Variants in DGKB observed in about 807,000 individuals in gnomAD.
The protein encoded by DGKB is 90 kDa diacylglycerol kinase.
In DGKB, 67 loss-of-function variants were observed where a neutral mutation model predicts 114.3. The ratio of observed to expected loss-of-function variants is 0.59; its 90% CI spans 0.48 to 0.72. DGKB has a LOEUF of 0.72. DGKB is among the 30% of genes least tolerant of loss of function. The pLI is 0.00. For missense variants in DGKB, 907 were observed against 975.2 expected, an observed-to-expected ratio of 0.93 and a Z score of 0.93; for synonymous variants, 398 against 323.1, an observed-to-expected ratio of 1.23 and a Z score of -2.49.
At chr7:14,890,594 T>C (rs1233574875) in intron 1 of DGKB, among the ~76,000 whole-genome samples, 3 of 151,540 alleles carry the variant, frequency 2.0e-5, no homozygotes, top group Non-Finnish European at 4.4e-5. Flanking sequence ...ATAGTAAATA[T>C]GGGATGTGTC....
chr7:14,183,269 A>G (rs1782908016), intron 23 of DGKB, among the ~76,000 whole-genome samples: 1 of 152,220 alleles, frequency 6.6e-6, no homozygotes, highest in Non-Finnish European at 1.5e-5. Context: ...TCGTCTTCAA[A>G]ATGTCCATCT....
chr7:14,189,110 A>G (rs2068400), intron 23 of DGKB, among the ~76,000 whole-genome samples: 44,410 of 152,192 alleles, frequency 0.29, 8,590 homozygotes, highest in African/African-American at 0.56. Context: ...CTCACCGTAG[A>G]GTAAGTTAAT....
At chr7:14,967,652 T>C (rs1490182839) in intron 1 of DGKB, among the ~76,000 whole-genome samples, 109 of 101,034 alleles carry the variant, frequency 1.1e-3, no homozygotes, top group Admixed American at 2.3e-3. Context: ...TGTGATTTAT[T>C]AAAAAAAAAA....
At chr7:14,803,721 C>T (rs142147444) in intron 2 of DGKB, among the ~76,000 whole-genome samples, 1 of 152,260 alleles carries the variant, frequency 6.6e-6, no homozygotes, top group African/African-American at 2.4e-5. Flanking sequence ...ATTTTCCTCT[C>T]TGGCTTCTGA....
intron 1 of DGKB, among the ~76,000 whole-genome samples, chr7:14,894,493 C>A (rs1444640172): frequency 2.0e-5 from 3 of 151,406 alleles, no homozygotes; most frequent in African/African-American, 7.3e-5. Context: ...TTGACAAATA[C>A]ATCAAATCTA....
chr7:14,606,598 T>A (rs1804550493), intron 17 of DGKB, among the ~76,000 whole-genome samples: 1 of 148,928 alleles, frequency 6.7e-6, no homozygotes, highest in African/African-American at 2.6e-5. Flanking sequence ...TGCCTTTTTT[T>A]TAAAAAAAAA....
chr7:14,925,103 TG>T (rs1198854707), intron 1 of DGKB, among the ~76,000 whole-genome samples: 1 of 152,250 alleles, frequency 6.6e-6, no homozygotes, highest in Non-Finnish European at 1.5e-5. Flanking sequence ...GTATTAATAA[TG>T]TTTTCATTTT....
chr7:14,527,290 A>G (rs1294872056), intron 20 of DGKB, among the ~76,000 whole-genome samples: 1 of 152,164 alleles, frequency 6.6e-6, no homozygotes, highest in African/African-American at 2.4e-5. Flanking sequence ...GGCATTATCC[A>G]CTGTATACAG....
intron 20 of DGKB, among the ~76,000 whole-genome samples, chr7:14,555,312 T>C (rs984092237): frequency 2.6e-5 from 4 of 152,196 alleles, no homozygotes; most frequent in African/African-American, 9.6e-5. Flanking sequence ...ATTCTATTAA[T>C]CTATTTTTGT....
chr7:14,510,919 T>C (rs990527343), intron 20 of DGKB, among the ~76,000 whole-genome samples: 2 of 152,230 alleles, frequency 1.3e-5, no homozygotes, highest in African/African-American at 4.8e-5. Flanking sequence ...GAAAGGAATC[T>C]TATTTTCTGA....
At chr7:14,350,467 C>T (rs17168088) in intron 21 of DGKB, among the ~76,000 whole-genome samples, 3,892 of 151,920 alleles carry the variant, frequency 0.026, 76 homozygotes, top group South Asian at 0.089. Context: ...CCTAATTAGA[C>T]ATGAAACTCA....
At chr7:14,584,872 C>T (rs920677060) in intron 17 of DGKB, among the ~76,000 whole-genome samples, 2 of 151,988 alleles carry the variant, frequency 1.3e-5, no homozygotes, top group East Asian at 3.9e-4. Context: ...GTTGGCCAGG[C>T]TGGTCTCATA....
At chr7:14,234,802 C>G (rs1204309849) in intron 23 of DGKB, among the ~76,000 whole-genome samples, 3 of 152,062 alleles carry the variant, frequency 2.0e-5, no homozygotes, top group African/African-American at 7.2e-5. Flanking sequence ...CACTTTAAAG[C>G]AATGTAGTCC....
intron 23 of DGKB, among the ~76,000 whole-genome samples, chr7:14,333,880 A>T (rs1030501268): frequency 1.3e-5 from 2 of 152,196 alleles, no homozygotes; most frequent in Non-Finnish European, 2.9e-5. Flanking sequence ...GCAAAGCTTC[A>T]ATTAGTCAAA....
chr7:14,695,492 CTCTTT>C (rs1388247486), intron 8 of DGKB, among the ~76,000 whole-genome samples: 1 of 73,362 alleles, frequency 1.4e-5, no homozygotes, highest in Non-Finnish European at 2.6e-5. Flanking sequence ...CTCTCTCTCT[CTCTTT>C]TTTTTTTTTT....
chr7:14,691,221 T>C (rs1305270752), intron 9 of DGKB, among the ~76,000 whole-genome samples: 1 of 152,236 alleles, frequency 6.6e-6, no homozygotes, highest in African/African-American at 2.4e-5. Context: ...CTTCCTTTTC[T>C]GTGTAATTTG....
intron 23 of DGKB, among the ~76,000 whole-genome samples, chr7:14,197,467 T>TA (rs1785193187): frequency 6.6e-6 from 1 of 152,068 alleles, no homozygotes; most frequent in African/African-American, 2.4e-5. Flanking sequence ...TTCTGTATTT[T>TA]AAAAATAGCC....
At chr7:14,837,599 G>A (rs546229949) in intron 2 of DGKB, among the ~76,000 whole-genome samples, 1 of 151,950 alleles carries the variant, frequency 6.6e-6, no homozygotes, top group African/African-American at 2.4e-5. Context: ...CTTATTAAAA[G>A]ATACAAATCA....
intron 23 of DGKB, among the ~76,000 whole-genome samples, chr7:14,278,157 T>G (rs978240251): frequency 6.6e-6 from 1 of 152,162 alleles, no homozygotes; most frequent in African/African-American, 2.4e-5. Flanking sequence ...TAAATTCTCA[T>G]GGACCCACAA....
Sources: gnomAD v4.1 joint callset for allele counts (sites outside exome capture counted in the v4.1 genomes callset) on GRCh38, gnomAD v4.1.1 for gene constraint, MANE v1.5 for transcripts, NCBI Gene and HGNC (gene_info 2026-07-23, HGNC 2026-07-21) for gene names.